The following PRKAG3 variants were observed in gnomAD, a reference collection of about 807,000 sequenced individuals.
PRKAG3 encodes the protein 5'-AMP-activated protein kinase subunit gamma-3.
PRKAG3 carries 39 observed loss-of-function variants against 56.5 expected under a neutral mutation model. The observed-to-expected ratio is 0.69, with a 90% confidence interval of 0.53 to 0.90. The LOEUF is 0.90. PRKAG3 is among the 40% of genes least tolerant of loss of function. The pLI is 0.00. For synonymous variants in PRKAG3, 243 were observed against 250.1 expected (o/e 0.97, Z 0.27); for missense variants, 628 against 627.5 (o/e 1.00, Z -0.01).
chr2:218,829,324 C>T (rs924862066), intron 4 of PRKAG3, among the ~76,000 whole-genome samples: 6 of 150,614 alleles, frequency 4.0e-5, no homozygotes, highest in African/African-American at 1.5e-4. Context: ...CTCTGTGATG[C>T]CTTTTTTTTT....
In PRKAG3 at chr2:218,827,073, G is replaced by C. The variant is rs779450623; in HGVS notation, c.1023C>G (p.Pro341=). 5.0e-6 allele frequency: 8 copies of C among 1,613,398 alleles called. No homozygotes were observed. In the Admixed American group the frequency reaches 1.0e-4, roughly 20 times the overall value. Residue 341 remains proline (P), a synonymous_variant, in exon 10 of 13, where the codon CCC becomes CCG. Transcript: ENST00000529249. The surrounding 1 kb of genome is among the most constrained non-coding windows in gnomAD (Gnocchi z 5.3). ...CTTGGATAGTGCGGTAGAGGAAGGA[G>C]GGCCGGGGCAGCAGGGAACCCTGGT...
At chr2:218,826,944 A>G in exon 10 of PRKAG3, 1 of 1,614,140 alleles carries the variant, frequency 6.2e-7, no homozygotes, top group East Asian at 2.2e-5. Flanking sequence ...CGTTGACCAC[A>G]GGCAGTGCAG....
chr2:218,830,252 T>C, exon 4 of PRKAG3: 1 of 1,613,990 alleles, frequency 6.2e-7, no homozygotes, highest in Admixed American at 1.7e-5. Flanking sequence ...GGCTGTACAG[T>C]CAGAGGGGAG....
At chr2:218,825,026 C>T (rs971655692) in intron 10 of PRKAG3, among the ~76,000 whole-genome samples, 11 of 152,122 alleles carry the variant, frequency 7.2e-5, no homozygotes, top group Non-Finnish European at 1.2e-4. Flanking sequence ...ACAAAAGACA[C>T]GAATGTAAAC....
Position 218,827,715 on chromosome 2 carries a change from C to A in PRKAG3, c.821-86G>T. 3 of 1,568,000 alleles carry A rather than the reference C, an allele frequency of 1.9e-6. No individual in the cohort carries two copies. Among genetic ancestry groups the A allele is most frequent in the Non-Finnish European group, 2.6e-6 (3 of 1,138,566 alleles). On this transcript the variant is annotated intron_variant, in intron 7 of 12. Transcript: ENST00000529249. The surrounding 1 kb of genome is among the most constrained non-coding windows in gnomAD (Gnocchi z 5.3). ...AGGCAGCTTCCCTTCCGTCAGGCAC[C>A]CGAGGCTCCTATTGTCCCTCCCCTG...
At chr2:218,824,653 A>C in intron 10 of PRKAG3, 77 bp from the exon 11 acceptor site, 2 of 1,306,714 alleles carry the variant, frequency 1.5e-6, no homozygotes, top group South Asian at 2.4e-5. Flanking sequence ...TGCTGTGTAG[A>C]GGGCCTAGGG....
chr2:218,827,787 G>A lies in PRKAG3; in HGVS notation c.820+46C>T. On this transcript the variant is annotated intron_variant, in intron 7 of 12. Transcript: ENST00000529249. The surrounding 1 kb of genome is among the most constrained non-coding windows in gnomAD (Gnocchi z 5.3). ...TGCCCATCCTCCACCTTAAGCCCTG[G>A]CCCACCATCACCAACAGCCCTTTCC... 6.5e-7 allele frequency: 1 copy of A among 1,536,278 alleles called. No homozygotes were observed. Among genetic ancestry groups the A allele is most frequent in the African/African-American group, 1.8e-5 (1 of 54,782 alleles).
chr2:218,824,604 G>A, intron 10 of PRKAG3, 28 bp from the exon 11 acceptor site: 1 of 1,594,506 alleles, frequency 6.3e-7, no homozygotes, highest in South Asian at 1.1e-5. Context: ...GGGGGGTGGG[G>A]GGAGAAAGAC....
Position 218,831,742 on chromosome 2 carries a change from C to T in PRKAG3, c.29G>A (p.Arg10His), listed in dbSNP as rs201865341. 12 of 1,610,956 alleles carry T rather than the reference C, an allele frequency of 7.4e-6. No homozygotes were observed. The highest frequency in any genetic ancestry group is 6.7e-5 in the East Asian group (3 of 44,816). Residue 10 changes from arginine to histidine, a missense_variant, in exon 1 of 13, where the codon CGC (arginine) becomes CAC (histidine). Transcript: ENST00000529249. ...GCTCCCCTGGGACCCCCATACCCTG[C>T]GCAGTGCGTGCTCCAGCCCGGGCTC...
chr2:218,831,466 C>T, intron 1 of PRKAG3, 91 bp from the exon 2 acceptor site: 1 of 1,187,396 alleles, frequency 8.4e-7, no homozygotes, highest in Non-Finnish European at 1.2e-6. Flanking sequence ...CACCCATGCA[C>T]ACCAATACAC....
chr2:218,829,337 T>C (rs867728540), intron 4 of PRKAG3, among the ~76,000 whole-genome samples: 1 of 152,230 alleles, frequency 6.6e-6, no homozygotes, highest in African/African-American at 2.4e-5. Context: ...TTTTTTTTTT[T>C]TGACATGGAA....
chr2:218,830,929 TA>T (rs1944011396), intron 2 of PRKAG3, 28 bp from the exon 3 acceptor site: 1 of 1,604,778 alleles, frequency 6.2e-7, no homozygotes, highest in African/African-American at 1.3e-5. Context: ...CCTGTTTGGT[TA>T]ATAGGGAGTA....
At chr2:218,829,508 A>G (rs1206544257) in intron 4 of PRKAG3, among the ~76,000 whole-genome samples, 1 of 148,756 alleles carries the variant, frequency 6.7e-6, no homozygotes, top group African/African-American at 2.5e-5. Context: ...TTTTTTTTTT[A>G]GTAGAGATGG....
rs529958872 is a variant in PRKAG3 at position 218,830,253 on chromosome 2, C to T, written c.358G>A (p.Asp120Asn). Residue 120 changes from aspartate (D) to asparagine (N), a missense_variant, in exon 4 of 13, where the codon GAC becomes AAC. Coordinates refer to ENST00000529249, the Ensembl canonical transcript of PRKAG3. ...GAGCCTGCAGCTGAGGCTGTACAGTCAGAGGGGAGGCAGTCCCACCCTGTT... is the reference window on the plus strand; with the variant it reads ...GAGCCTGCAGCTGAGGCTGTACAGTTAGAGGGGAGGCAGTCCCACCCTGTT... 70 of 1,613,994 alleles carry T rather than the reference C, an allele frequency of 4.3e-5. 1 individual carries two copies. The South Asian group carries it at 7.6e-4, about 17-fold the overall frequency.
Position 218,823,947 on chromosome 2 carries a change from A to G in PRKAG3, c.1354-69T>C, listed in dbSNP as rs189921903. 1.4e-4 allele frequency: 207 copies of G among 1,485,138 alleles called. 1 individual carries two copies. In the East Asian group the frequency reaches 4.6e-3, roughly 33 times the overall value. 92.0% of individuals were successfully genotyped at this position (1,485,138 alleles called of 1,614,324 possible). A position where few individuals can be genotyped will look rare whatever the true frequency, so the allele number is the denominator to read the frequency against. On this transcript the variant is annotated intron_variant, in intron 12 of 12. Transcript: ENST00000529249. Reference sequence around the variant, plus strand: ...TACAGCAGCTACTGAGGTTGGTGCCAAGAATCAGGGGAAACAACCCAACAT... The same window carrying G: ...TACAGCAGCTACTGAGGTTGGTGCCGAGAATCAGGGGAAACAACCCAACAT...
At chr2:218,831,437 C>A in intron 1 of PRKAG3, 62 bp from the exon 2 acceptor site, 1 of 1,447,802 alleles carries the variant, frequency 6.9e-7, no homozygotes, top group Admixed American at 2.1e-5. Context: ...AACCCCTTCT[C>A]CCTGAACACA....
In PRKAG3 at chr2:218,827,975, G is replaced by T. The variant is rs1943961196; in HGVS notation, c.774+29C>A. Reference sequence around the variant, plus strand: ...CCCCTCCGCCCCCGCCCCTCTGGGTGCCCATAAGATTCCCAGCCCACTCCT... The same window carrying T: ...CCCCTCCGCCCCCGCCCCTCTGGGTTCCCATAAGATTCCCAGCCCACTCCT... On this transcript the variant is annotated intron_variant, in intron 6 of 12. Coordinates refer to ENST00000529249, the Ensembl canonical transcript of PRKAG3. The surrounding 1 kb of genome is among the most constrained non-coding windows in gnomAD (Gnocchi z 5.3). 6.3e-7 allele frequency: 1 copy of T among 1,587,390 alleles called. No homozygotes were observed.
Position 218,826,993 on chromosome 2 carries a change from A to T in PRKAG3, c.1103T>A (p.Ile368Asn), listed in dbSNP as rs749751500. 5 of 1,614,072 alleles carry T rather than the reference A, an allele frequency of 3.1e-6. No homozygotes were observed. In the Admixed American group the frequency reaches 8.3e-5, roughly 27 times the overall value. ...CACAAAGATGTCCAGTGCAGTCAGG[A>T]TGGGTGCTGTCTCCAGCACCACAGC... The change falls in exon 10 of 13, where the codon ATC becomes AAC. Residue 368 changes from isoleucine (I) to asparagine (N), a missense_variant. Coordinates refer to ENST00000529249, the Ensembl canonical transcript of PRKAG3.
At chr2:218,823,235 C>T (rs947442242), downstream of PRKAG3, 4 of 253,096 alleles carry the variant, frequency 1.6e-5, no homozygotes, top group Non-Finnish European at 2.7e-5. Context: ...GAGATCATGT[C>T]ACATTTCCTG....
Sources: gnomAD v4.1 joint callset for allele counts (sites outside exome capture counted in the v4.1 genomes callset) on GRCh38, gnomAD v4.1.1 for gene constraint, Gnocchi (gnomAD v3.1) non-coding constraint, MANE v1.5 for transcripts, NCBI Gene and HGNC (gene_info 2026-07-23, HGNC 2026-07-21) for gene names.